The following TRDN variants were observed in gnomAD, a reference collection of about 807,000 sequenced individuals.
TRDN encodes triadin in skeletal muscle.
In TRDN, 161 loss-of-function variants were observed where a neutral mutation model predicts 149.7. That is an observed-to-expected ratio of 1.08 (90% CI 0.95 to 1.23). TRDN has a LOEUF of 1.23. Ranked by LOEUF, TRDN falls within the 50% of genes most tolerant of loss-of-function variation. The pLI is 0.00. For synonymous variants in TRDN, 294 were observed against 250.5 expected (o/e 1.17, Z -1.64); for missense variants, 896 against 823.5 (o/e 1.09, Z -1.08).
At chr6:123,440,104 G>C (rs565149145) in intron 10 of TRDN, among the ~76,000 whole-genome samples, 1 of 152,238 alleles carries the variant, frequency 6.6e-6, no homozygotes, top group African/African-American at 2.4e-5. Context: ...TTATTAAATA[G>C]AGGAATTAAC....
At chr6:123,328,889 G>T (rs549234611) in intron 23 of TRDN, among the ~76,000 whole-genome samples, 1 of 152,274 alleles carries the variant, frequency 6.6e-6, no homozygotes, top group Admixed American at 6.5e-5. Context: ...AGGATCCAGA[G>T]CCCAGCACCC....
At chr6:123,425,643 A>G (rs909603349) in intron 12 of TRDN, among the ~76,000 whole-genome samples, 2 of 152,054 alleles carry the variant, frequency 1.3e-5, no homozygotes, top group Non-Finnish European at 2.9e-5. Context: ...GAAGAAAGAG[A>G]TAGGCTGTGA....
intron 21 of TRDN, among the ~76,000 whole-genome samples, chr6:123,341,339 A>G (rs754655288): frequency 6.9e-4 from 105 of 151,836 alleles, no homozygotes; most frequent in Non-Finnish European, 1.4e-3. Flanking sequence ...ACTGTTTTGT[A>G]TTCTATTGGG....
chr6:123,525,985 C>T (rs1201291588), intron 5 of TRDN, among the ~76,000 whole-genome samples: 1 of 152,026 alleles, frequency 6.6e-6, no homozygotes, highest in East Asian at 1.9e-4. Flanking sequence ...AGTCAAGGAT[C>T]TTGAGATGGT....
intron 31 of TRDN, 142 bp downstream of exon 31, chr6:123,269,706 GC>G (rs1371649165): frequency 1.4e-6 from 1 of 704,510 alleles, no homozygotes; most frequent in African/African-American, 1.8e-5. Flanking sequence ...CAATTAAATA[GC>G]AATAACATTA....
chr6:123,583,366 C>T (rs926409269), intron 1 of TRDN, among the ~76,000 whole-genome samples: 16 of 152,088 alleles, frequency 1.1e-4, no homozygotes, highest in Middle Eastern at 3.4e-3. Flanking sequence ...TAAAAAGGAA[C>T]GTCTATACAG....
At position 123,519,670 on chromosome 6, in the gene TRDN, A is replaced by T. The variant is rs564478731; in HGVS notation, c.485-3464T>A. ...ATGGCTAGCAAATCAATTCAACCAA[A>T]CTCTAGAACATACTTGACTTTAGAC... On this transcript the variant is annotated intron_variant, in intron 5 of 40. Coordinates refer to ENST00000334268, the MANE Select transcript of TRDN (RefSeq NM_006073.4). Among the ~76,000 whole-genome samples, 13 of 150,788 alleles carry T rather than the reference A, an allele frequency of 8.6e-5. No homozygotes were observed. The East Asian group carries it at 2.3e-3, about 27-fold the overall frequency.
At chr6:123,222,655 G>T (rs953210172) in intron 39 of TRDN, among the ~76,000 whole-genome samples, 1 of 151,734 alleles carries the variant, frequency 6.6e-6, no homozygotes, top group Non-Finnish European at 1.5e-5. Flanking sequence ...TACTTCGTTG[G>T]CTAGAACAAT....
At chr6:123,456,882 G>T (rs904882508) in intron 10 of TRDN, 1 of 455,810 alleles carries the variant, frequency 2.2e-6, no homozygotes, top group East Asian at 6.9e-5. Context: ...ATTTGGAATT[G>T]TAACAAGCTG....
intron 8 of TRDN, chr6:123,502,594 T>C: frequency 1.0e-6 from 1 of 984,936 alleles, no homozygotes; most frequent in Non-Finnish European, 1.2e-6. Context: ...AGAAAAAAGA[T>C]GAAAATACAG....
chr6:123,614,215 A>G (rs1045342662), intron 1 of TRDN, among the ~76,000 whole-genome samples: 3 of 150,302 alleles, frequency 2.0e-5, no homozygotes, highest in Non-Finnish European at 4.4e-5. Context: ...GTAGGTATGT[A>G]TAAATCACTT....
intron 24 of TRDN, among the ~76,000 whole-genome samples, chr6:123,306,295 C>T (rs1778609153): frequency 6.6e-6 from 1 of 152,046 alleles, no homozygotes; most frequent in Non-Finnish European, 1.5e-5. Context: ...CCAAACATTT[C>T]CCCAGACATG....
chr6:123,266,440 A>C lies in TRDN; in HGVS notation c.1784-1102T>G, dbSNP rs1776982961. Among the ~76,000 whole-genome samples the C allele has an allele frequency of 2.1e-5, 2 of 94,456 alleles. 1 individual carries two copies. The highest frequency in any genetic ancestry group is 9.6e-5 in the African/African-American group (2 of 20,902). The allele number at this position is 94,456 out of a possible 152,430, so 62.0% of individuals were successfully genotyped here. A position where few individuals can be genotyped will look rare whatever the true frequency, so the allele number is the denominator to read the frequency against. On this transcript the variant is annotated intron_variant, in intron 32 of 40. Coordinates refer to ENST00000334268, the MANE Select transcript of TRDN (RefSeq NM_006073.4). ...TAGATTATGATATGTATTATATATAATATATAGATTATGATATGTATTATA... is the reference window on the plus strand; with the variant it reads ...TAGATTATGATATGTATTATATATACTATATAGATTATGATATGTATTATA...
chr6:123,569,661 T>C (rs552536496), intron 2 of TRDN, among the ~76,000 whole-genome samples: 8 of 152,084 alleles, frequency 5.3e-5, no homozygotes, highest in African/African-American at 1.9e-4. Flanking sequence ...GCAATAATGG[T>C]AGAAGGAGGA....
intron 38 of TRDN, 26 bp downstream of exon 38, chr6:123,252,386 T>C: frequency 7.0e-7 from 1 of 1,431,576 alleles, no homozygotes; most frequent in East Asian, 2.3e-5. Flanking sequence ...CAAAGAGAAC[T>C]TGTCATTAAT....
At chr6:123,316,986 T>A (rs1368954087) in intron 23 of TRDN, among the ~76,000 whole-genome samples, 1 of 151,740 alleles carries the variant, frequency 6.6e-6, no homozygotes, top group Non-Finnish European at 1.5e-5. Context: ...TTTTATAAAA[T>A]AAATCAATTT....
chr6:123,628,177 T>C (rs1785775780), intron 1 of TRDN, among the ~76,000 whole-genome samples: 1 of 152,232 alleles, frequency 6.6e-6, no homozygotes, highest in African/African-American at 2.4e-5. Flanking sequence ...GCTTTTGGCA[T>C]GCCTTCCTCA....
chr6:123,635,650 G>A (rs1464338652), intron 1 of TRDN, among the ~76,000 whole-genome samples: 2 of 151,898 alleles, frequency 1.3e-5, no homozygotes, highest in African/African-American at 2.4e-5. Context: ...AAATTACTGT[G>A]TGTCCATACT....
chr6:123,625,633 G>C (rs1785624084), intron 1 of TRDN, among the ~76,000 whole-genome samples: 2 of 152,056 alleles, frequency 1.3e-5, no homozygotes, highest in African/African-American at 2.4e-5. Flanking sequence ...AAGGATAAAT[G>C]CTTGAGGTCA....
Sources: gnomAD v4.1 joint callset for allele counts (sites outside exome capture counted in the v4.1 genomes callset) on GRCh38, gnomAD v4.1.1 for gene constraint, MANE v1.5 for transcripts, NCBI Gene and HGNC (gene_info 2026-07-23, HGNC 2026-07-21) for gene names.